The following SIRPG variants were observed in gnomAD, a reference collection of about 807,000 sequenced individuals.
SIRPG encodes signal-regulatory protein gamma.
A neutral mutation model predicts 35.7 loss-of-function variants in SIRPG; 38 were observed. That is an observed-to-expected ratio of 1.06 (90% CI 0.82 to 1.40). The LOEUF is 1.40. Among genes scored for constraint, SIRPG ranks in the 40% most tolerant of loss-of-function variants. The pLI, the probability that SIRPG is intolerant of heterozygous loss-of-function variation, is 0.00. For missense variants in SIRPG, 519 were observed against 483.0 expected, an observed-to-expected ratio of 1.07 and a Z score of -0.70; for synonymous variants, 215 against 190.4, an observed-to-expected ratio of 1.13 and a Z score of -1.06.
Position 1,649,118 on chromosome 20 carries a change from A to C in SIRPG, c.364T>G (p.Phe122Val), listed in dbSNP as rs1251323533. ...ADVGTYYCVK[F>V]RKGSPENVEF... is the part of the protein sequence containing the mutation. ...ACGTTCTCAGGGCTCCCTTTTCGAA[A>C]CTTCACACAGTAGTATGTGCCGACA... Residue 122 changes from phenylalanine to valine, a missense_variant, in exon 2 of 6, where the codon TTT (phenylalanine) becomes GTT (valine). Phe to Val is a conservative substitution (Grantham distance 50, BLOSUM62 -1). Transcript: ENST00000303415. The C allele has an allele frequency of 4.3e-6, 7 of 1,613,874 alleles. No homozygotes were observed. The highest frequency in any genetic ancestry group is 5.9e-6 in the Non-Finnish European group (7 of 1,179,872).
chr20:1,663,941 G>A, the SIRPG span, among the ~76,000 whole-genome samples: 1 of 152,198 alleles, frequency 6.6e-6, no homozygotes, highest in African/African-American at 2.4e-5. Context: ...AGGTTTATTT[G>A]GCTTGTGGTT....
intron 2 of SIRPG, among the ~76,000 whole-genome samples, chr20:1,640,466 G>T (rs1464891545): frequency 1.3e-5 from 2 of 152,176 alleles, no homozygotes. Flanking sequence ...TTTCTATCCT[G>T]AGACTTTGCT....
At chr20:1,634,451 C>T (rs935497056) in intron 4 of SIRPG, among the ~76,000 whole-genome samples, 49 of 152,046 alleles carry the variant, frequency 3.2e-4, no homozygotes, top group African/African-American at 1.1e-3. Flanking sequence ...TCGTGATCCG[C>T]CCGCCTCGGC....
At chr20:1,650,966 A>T (rs936819445) in intron 1 of SIRPG, among the ~76,000 whole-genome samples, 2 of 152,200 alleles carry the variant, frequency 1.3e-5, no homozygotes. Flanking sequence ...ATATGTTCAA[A>T]ATGCTGAAAG....
At chr20:1,682,703 C>T in the SIRPG span, among the ~76,000 whole-genome samples, 1 of 152,140 alleles carries the variant, frequency 6.6e-6, no homozygotes, top group Non-Finnish European at 1.5e-5. Flanking sequence ...ATACCACATA[C>T]AAAAATCAAC....
the SIRPG span, among the ~76,000 whole-genome samples, chr20:1,667,090 T>C: frequency 1.3e-5 from 2 of 152,114 alleles, no homozygotes; most frequent in Non-Finnish European, 2.9e-5. Context: ...AGAGACAGGG[T>C]CTCACCATGT....
At chr20:1,657,569 T>C in intron 1 of SIRPG, 73 bp downstream of exon 1, 2 of 1,442,068 alleles carry the variant, frequency 1.4e-6, no homozygotes, top group Non-Finnish European at 2.0e-6. Flanking sequence ...TTATCTGAAA[T>C]TGCTGCAAGT....
At chr20:1,634,632 T>C (rs1009168024) in intron 4 of SIRPG, among the ~76,000 whole-genome samples, 19 of 151,950 alleles carry the variant, frequency 1.3e-4, no homozygotes, top group Non-Finnish European at 2.6e-4. Context: ...TTAGAAAAAG[T>C]AGGGAGCACA....
At chr20:1,668,613 G>A in the SIRPG span, among the ~76,000 whole-genome samples, 2 of 152,092 alleles carry the variant, frequency 1.3e-5, no homozygotes, top group African/African-American at 4.8e-5. Flanking sequence ...AAAAATTAAA[G>A]AGGAATTAAA....
intron 1 of SIRPG, among the ~76,000 whole-genome samples, chr20:1,657,378 T>C (rs562648718): frequency 6.6e-5 from 10 of 152,290 alleles, no homozygotes; most frequent in African/African-American, 2.4e-4. Flanking sequence ...TAATAATGAT[T>C]CTTCTGTGTT....
chr20:1,660,157 C>T (rs527374714), upstream of SIRPG, among the ~76,000 whole-genome samples: 10 of 152,196 alleles, frequency 6.6e-5, no homozygotes, highest in African/African-American at 2.4e-4. Flanking sequence ...CATGAGGTAA[C>T]AACAACCATC....
the SIRPG span, among the ~76,000 whole-genome samples, chr20:1,668,959 G>A: frequency 1.3e-5 from 2 of 152,254 alleles, no homozygotes; most frequent in East Asian, 3.9e-4. Context: ...ACCCAGCACA[G>A]ACCCAGCAGA....
chr20:1,660,110 A>T (rs190097595), upstream of SIRPG, among the ~76,000 whole-genome samples: 330 of 152,376 alleles, frequency 2.2e-3, no homozygotes, highest in African/African-American at 7.0e-3. Context: ...ATAAACCAAC[A>T]TCAGGCATGT....
intron 2 of SIRPG, among the ~76,000 whole-genome samples, chr20:1,641,825 AT>A (rs2122494216): frequency 6.6e-6 from 1 of 152,172 alleles, no homozygotes; most frequent in East Asian, 1.9e-4. Flanking sequence ...TAACTTCTTA[AT>A]TTCTGTCTTA....
At chr20:1,685,443 T>C in the SIRPG span, among the ~76,000 whole-genome samples, 9 of 151,988 alleles carry the variant, frequency 5.9e-5, no homozygotes, top group Non-Finnish European at 1.2e-4. Flanking sequence ...AGACACACAC[T>C]GAGGGAAGAA....
At chr20:1,634,442 C>T (rs948332618) in intron 4 of SIRPG, among the ~76,000 whole-genome samples, 2 of 151,478 alleles carry the variant, frequency 1.3e-5, no homozygotes, top group Admixed American at 6.6e-5. Context: ...CTCCTGACCT[C>T]GTGATCCGCC....
intron 1 of SIRPG, among the ~76,000 whole-genome samples, chr20:1,650,064 T>C (rs988360722): frequency 6.2e-5 from 9 of 144,574 alleles, no homozygotes; most frequent in Non-Finnish European, 1.2e-4. Context: ...ATATATTTTA[T>C]ATATATATAT....
At chr20:1,635,903 C>T (rs373906196) in intron 3 of SIRPG, among the ~76,000 whole-genome samples, 8 of 152,088 alleles carry the variant, frequency 5.3e-5, no homozygotes, top group African/African-American at 9.7e-5. Flanking sequence ...GTGAAATCGC[C>T]GAGCACATAG....
the SIRPG span, among the ~76,000 whole-genome samples, chr20:1,684,537 G>T: frequency 6.6e-6 from 1 of 152,112 alleles, no homozygotes; most frequent in Non-Finnish European, 1.5e-5. Context: ...AAAATATTTG[G>T]CACATAAAAG....
Sources: gnomAD v4.1 joint callset for allele counts (sites outside exome capture counted in the v4.1 genomes callset) on GRCh38, gnomAD v4.1.1 for gene constraint, MANE v1.5 for transcripts, NCBI Gene and HGNC (gene_info 2026-07-23, HGNC 2026-07-21) for gene names.